SMAD1: variants seen among roughly 807,000 people sequenced by gnomAD.
SMAD1 encodes MAD, mothers against decapentaplegic homolog 1.
SMAD1 carries 6 observed loss-of-function variants against 41.6 expected under a neutral mutation model. The observed-to-expected ratio is 0.14, with a 90% CI of 0.08 to 0.28. SMAD1 has a LOEUF of 0.28. Ranked by LOEUF, SMAD1 falls within the 10% of genes least tolerant of loss-of-function variation. The pLI is 1.00. For missense variants in SMAD1, 379 were observed against 582.6 expected (o/e 0.65, Z 3.60); for synonymous variants, 206 against 203.2 (o/e 1.01, Z -0.12).
chr4:145,490,836 TA>T (rs1222006572), intron 1 of SMAD1, among the ~76,000 whole-genome samples: 6 of 152,226 alleles, frequency 3.9e-5, no homozygotes, highest in African/African-American at 1.2e-4. Flanking sequence ...AAGGTTAAGT[TA>T]ATTAGAACTT....
chr4:145,529,934 A>G (rs969642356), intron 2 of SMAD1, among the ~76,000 whole-genome samples: 2 of 152,204 alleles, frequency 1.3e-5, no homozygotes, highest in Non-Finnish European at 2.9e-5. Flanking sequence ...TTAAATAAGT[A>G]TCTAATTCAG....
chr4:145,521,768 ATT>A (rs1333034962), intron 2 of SMAD1, among the ~76,000 whole-genome samples: 1 of 152,130 alleles, frequency 6.6e-6, no homozygotes, highest in Non-Finnish European at 1.5e-5. Context: ...CAATGTCAAT[ATT>A]TTGATTGTGA....
chr4:145,485,254 C>G (rs1054796715), intron 1 of SMAD1, among the ~76,000 whole-genome samples: 1 of 152,002 alleles, frequency 6.6e-6, no homozygotes, highest in Non-Finnish European at 1.5e-5. Context: ...TTTTGTATTT[C>G]TTGTAGAGAC....
rs1159039455 is a variant in SMAD1 at position 145,514,400 on chromosome 4, G to C, written c.-176-38G>C. ...ATTACTTAATAAATGTGGTTGTATG[G>C]TAAAGATGATTCTAACCATTCTTTT... On this transcript the variant is annotated intron_variant, in intron 1 of 6. Transcript: ENST00000302085. This position sits in a 1 kb window ranked among gnomAD's most constrained non-coding sequence, Gnocchi z 4.7. The C allele has an allele frequency of 2.0e-6, 1 of 502,638 alleles. No individual in the cohort carries two copies. The highest frequency in any genetic ancestry group is 3.7e-5 in the Admixed American group (1 of 27,268). 31.1% of individuals were successfully genotyped at this position (502,638 alleles called of 1,614,324 possible).
intron 6 of SMAD1, among the ~76,000 whole-genome samples, chr4:145,557,266 G>A (rs2126567007): frequency 6.6e-6 from 1 of 152,308 alleles, no homozygotes; most frequent in African/African-American, 2.4e-5. Context: ...ATGGCTAGGT[G>A]TCAATAATAG....
At chr4:145,534,222 G>T (rs773178658) in intron 2 of SMAD1, among the ~76,000 whole-genome samples, 2 of 152,178 alleles carry the variant, frequency 1.3e-5, no homozygotes, top group Non-Finnish European at 2.9e-5. Flanking sequence ...TGTTTAAGCC[G>T]CCAGTCTATG....
At chr4:145,545,220 A>C (rs535772347) in intron 4 of SMAD1, 36 of 152,312 alleles carry the variant, frequency 2.4e-4, no homozygotes, top group African/African-American at 8.4e-4. Flanking sequence ...CTTCTGTGTT[A>C]CAAGGGCAGA....
chr4:145,553,801 G>T lies in SMAD1; in HGVS notation c.1015G>T (p.Val339Phe), dbSNP rs1451132964. Residue 339 changes from valine (V) to phenylalanine (F), a missense_variant, in exon 6 of 7, where the codon GTT (valine) becomes TTT (phenylalanine). Physicochemically the swap from Val to Phe is conservative, Grantham distance 50. Around this residue, in one of 3 missense-constraint regions of SMAD1, gnomAD observed 107 missense variants for 218.3 expected, o/e 0.49. Coordinates refer to ENST00000302085, the MANE Select transcript of SMAD1 (RefSeq NM_005900.3). ...HIGKGVHLYY[V>F]GGEVYAECLS... Reference sequence around the variant, plus strand: ...TCCTATAGGAGTTCATCTTTATTATGTTGGAGGGGAGGTGTATGCCGAATG... The same window carrying T: ...TCCTATAGGAGTTCATCTTTATTATTTTGGAGGGGAGGTGTATGCCGAATG... The T allele has an allele frequency of 1.9e-6, 3 of 1,613,812 alleles. No homozygotes were observed. Among genetic ancestry groups the T allele is most frequent in the African/African-American group, 1.3e-5 (1 of 74,922 alleles).
In SMAD1 at chr4:145,557,946, C is replaced by A. The variant is rs759291177; in HGVS notation, c.*12C>A. The A allele has an allele frequency of 1.3e-6, 2 of 1,589,136 alleles. No individual in the cohort carries two copies. The highest frequency in any genetic ancestry group is 2.3e-5 in the South Asian group (2 of 86,122). On this transcript the variant is annotated 3_prime_UTR_variant, in exon 7 of 7. Coordinates refer to ENST00000302085, the MANE Select transcript of SMAD1 (RefSeq NM_005900.3). ...CATCTGTATCTTAAATGGCCCCAGG[C>A]ATCTGCCTCTGGAAAACTATTGAGC... is the stretch of plus-strand genomic sequence containing the variant.
At chr4:145,488,394 C>T (rs572845126) in intron 1 of SMAD1, among the ~76,000 whole-genome samples, 1 of 152,000 alleles carries the variant, frequency 6.6e-6, no homozygotes, top group South Asian at 2.1e-4. Flanking sequence ...GGCTGCTGTA[C>T]TGTGGATATT....
intron 2 of SMAD1, among the ~76,000 whole-genome samples, chr4:145,515,349 C>G (rs1036687288): frequency 6.6e-6 from 1 of 152,068 alleles, no homozygotes; most frequent in Admixed American, 6.6e-5. Context: ...TTATGTCTCA[C>G]ATGGTTCTCT....
chr4:145,482,537 C>T lies in SMAD1; in HGVS notation c.-177+499C>T, dbSNP rs1246835024. ...ACCCCTGCGGGAGCTGGAGGACGAC[C>T]GCTGGCGCTGCTCTCCAAGGCGCCT... On this transcript the variant is annotated intron_variant, in intron 1 of 6. Transcript: ENST00000302085. The surrounding 1 kb of genome is among the most constrained non-coding windows in gnomAD (Gnocchi z 4.2). The T allele has an allele frequency of 2.6e-5, 4 of 151,642 alleles. No homozygotes were observed. In the South Asian group the frequency reaches 6.2e-4, roughly 24 times the overall value. The allele number at this position is 151,642 out of a possible 1,614,324, so 9.4% of individuals were successfully genotyped here.
At chr4:145,530,032 T>A (rs1365896118) in intron 2 of SMAD1, among the ~76,000 whole-genome samples, 1 of 152,140 alleles carries the variant, frequency 6.6e-6, no homozygotes, top group Non-Finnish European at 1.5e-5. Flanking sequence ...GCAATACAAT[T>A]TACAAACATA....
At chr4:145,499,798 C>T (rs2126321833) in intron 1 of SMAD1, among the ~76,000 whole-genome samples, 1 of 152,198 alleles carries the variant, frequency 6.6e-6, no homozygotes, top group African/African-American at 2.4e-5. Context: ...ATAAGGGATA[C>T]TCAACCTGTA....
At chr4:145,524,605 T>C (rs1730929262) in intron 2 of SMAD1, among the ~76,000 whole-genome samples, 1 of 152,206 alleles carries the variant, frequency 6.6e-6, no homozygotes, top group Non-Finnish European at 1.5e-5. Context: ...TACTTTTGCT[T>C]TCCTGACGTT....
At chr4:145,511,314 G>C (rs938768856) in intron 1 of SMAD1, among the ~76,000 whole-genome samples, 1 of 152,126 alleles carries the variant, frequency 6.6e-6, no homozygotes, top group Non-Finnish European at 1.5e-5. Context: ...CTCTCACTCT[G>C]TCACTCAGGT....
At chr4:145,493,850 G>T (rs925221995) in intron 1 of SMAD1, among the ~76,000 whole-genome samples, 7 of 152,202 alleles carry the variant, frequency 4.6e-5, no homozygotes, top group African/African-American at 1.7e-4. Flanking sequence ...ATTGGTAAGA[G>T]GAGATTATGC....
intron 1 of SMAD1, among the ~76,000 whole-genome samples, chr4:145,510,976 A>G (rs1730044097): frequency 6.6e-6 from 1 of 152,124 alleles, no homozygotes; most frequent in Non-Finnish European, 1.5e-5. Context: ...CTCTGGTGAT[A>G]CCTCTTACTT....
intron 1 of SMAD1, among the ~76,000 whole-genome samples, chr4:145,504,602 A>T (rs1729662120): frequency 6.6e-6 from 1 of 151,900 alleles, no homozygotes; most frequent in African/African-American, 2.4e-5. Context: ...TAGGGGTACT[A>T]TTTCTCTGTT....
Sources: gnomAD v4.1 joint callset for allele counts (sites outside exome capture counted in the v4.1 genomes callset) on GRCh38, gnomAD v4.1.1 for gene constraint, gnomAD v4.1.1 regional missense constraint, Gnocchi (gnomAD v3.1) non-coding constraint, MANE v1.5 for transcripts, NCBI Gene and HGNC (gene_info 2026-07-23, HGNC 2026-07-21) for gene names.